WDR36: variants seen among roughly 807,000 people sequenced by gnomAD.
WDR36 encodes the protein WD repeat-containing protein 36.
Under a neutral mutation model 112.7 loss-of-function variants are expected in WDR36, and 63 were observed. The ratio of observed to expected loss-of-function variants is 0.56; its 90% CI spans 0.46 to 0.69. The LOEUF is 0.69. Among genes scored for constraint, WDR36 ranks in the 30% least tolerant of loss-of-function variants. The probability of loss-of-function intolerance (pLI) is 0.00; values close to 1 mark genes in which losing one functional copy is unlikely to be tolerated. For synonymous variants in WDR36, 410 were observed against 362.2 expected (o/e 1.13, Z -1.50); for missense variants, 1,226 against 1,070.3 (o/e 1.15, Z -2.03).
Position 111,097,085 on chromosome 5 carries a change from C to G in WDR36, c.197C>G (p.Ser66Cys). Reference protein sequence around the residue: ...QKLSLVAVSNSVPQDICCMAA... With the variant: ...QKLSLVAVSNCVPQDICCMAA... ...ATTTTGTATTTTCTGCTAGGTAATT[C>G]TGTTCCACAGGATATCTGCTGTATG... The change falls in exon 3 of 23, where the codon TCT becomes TGT. Residue 66 changes from serine (S) to cysteine (C), a missense_variant. By Grantham distance (112) the Ser-to-Cys change is moderately radical. Coordinates refer to ENST00000513710, the MANE Select transcript of WDR36 (RefSeq NM_139281.3). 1 of 1,612,310 alleles carries G rather than the reference C, an allele frequency of 6.2e-7. No individual in the cohort carries two copies. The highest frequency in any genetic ancestry group is 1.1e-5 in the South Asian group (1 of 91,040).
At chr5:111,097,292 C>CT (rs1753013828) in intron 3 of WDR36, 113 bp downstream of exon 3, 30 of 768,446 alleles carry the variant, frequency 3.9e-5, no homozygotes, top group South Asian at 7.4e-5. Context: ...ATACAGTATT[C>CT]TTTTTTTTCT....
At chr5:111,097,691 A>G (rs752285563) in intron 3 of WDR36, among the ~76,000 whole-genome samples, 1 of 152,224 alleles carries the variant, frequency 6.6e-6, no homozygotes, top group African/African-American at 2.4e-5. Flanking sequence ...TCTGGTCTAA[A>G]TCTACCAGTT....
Position 111,104,292 on chromosome 5 carries a change from A to G in WDR36, c.846A>G (p.Gly282=). The change falls in exon 8 of 23, where the codon GGA becomes GGG. Residue 282 remains glycine (G), a synonymous_variant. Coordinates refer to ENST00000513710, the MANE Select transcript of WDR36 (RefSeq NM_139281.3). ...MRNAHSTAIA[G]LTFLHREPLL... The stretch of plus-strand genomic sequence containing the variant: ...ATGCACACTCTACAGCAATTGCCGG[A>G]CTGACATTTCTCCATAGAGAGCCAC... The G allele has an allele frequency of 1.2e-6, 2 of 1,612,198 alleles. No homozygotes were observed. Among genetic ancestry groups the G allele is most frequent in the Non-Finnish European group, 8.5e-7 (1 of 1,178,614 alleles).
intron 15 of WDR36, 35 bp from the exon 16 acceptor site, chr5:111,113,035 AATAT>A: frequency 1.4e-5 from 5 of 352,286 alleles, no homozygotes; most frequent in East Asian, 8.8e-5. Context: ...ATATATAAAT[AATAT>A]ATATATATAT....
chr5:111,123,947 CT>C, intron 20 of WDR36, 23 bp downstream of exon 20: 1 of 1,612,960 alleles, frequency 6.2e-7, no homozygotes, highest in Admixed American at 1.7e-5. Context: ...TTAGAAGATT[CT>C]AAGTATATCG....
rs755589087 is a variant in WDR36 at position 111,129,678 on chromosome 5, TTAAA to T, written c.*2801_*2804del. On this transcript the variant is annotated 3_prime_UTR_variant, in exon 23 of 23. Transcript: ENST00000513710. ...GGCTTTAATTTTACATGGTGTCTGT[TTAAA>T]TAAATGTTTTATATTTGTATACAAT... 8 of 202,756 alleles carry T rather than the reference TTAAA, an allele frequency of 3.9e-5. No homozygotes were observed. In the South Asian group the frequency reaches 1.3e-3, roughly 34 times the overall value. The allele number at this position is 202,756 out of a possible 1,614,324, so 12.6% of individuals were successfully genotyped here. A position where few individuals can be genotyped will look rare whatever the true frequency, so the allele number is the denominator to read the frequency against.
chr5:111,126,855 T>A lies in WDR36; in HGVS notation c.2660T>A (p.Leu887Ter). The change falls in exon 23 of 23, where the codon TTA (leucine) becomes TAA (stop). Residue 887 changes from leucine (L) to a stop codon, truncating the protein, a stop_gained. Transcript: ENST00000513710. LOFTEE classifies it high-confidence loss of function. Reference sequence around the variant, plus strand: ...CTCTTCAATCAAAGCATGTGTATTTTAAATTATCTCAAAAGTGCTTTGTTG... The same window carrying A: ...CTCTTCAATCAAAGCATGTGTATTTAAAATTATCTCAAAAGTGCTTTGTTG... ...QSLFNQSMCI[L>*]NYLKSALL The A allele has an allele frequency of 6.2e-7, 1 of 1,608,972 alleles. No individual in the cohort carries two copies. The highest frequency in any genetic ancestry group is 8.5e-7 in the Non-Finnish European group (1 of 1,178,532).
At chr5:111,110,974 G>A in intron 14 of WDR36, 21 bp downstream of exon 14, 1 of 1,609,824 alleles carries the variant, frequency 6.2e-7, no homozygotes, top group Non-Finnish European at 8.5e-7. Context: ...AATGATAATG[G>A]ATTTTCTCTT....
At chr5:111,116,050 C>T (rs1753448307) in intron 16 of WDR36, among the ~76,000 whole-genome samples, 1 of 151,950 alleles carries the variant, frequency 6.6e-6, no homozygotes, top group Admixed American at 6.6e-5. Context: ...TCAAGCAATT[C>T]TCCTGCCTCA....
At chr5:111,119,590 C>G (rs1008323275) in intron 17 of WDR36, among the ~76,000 whole-genome samples, 8 of 152,090 alleles carry the variant, frequency 5.3e-5, no homozygotes, top group Non-Finnish European at 8.8e-5. Context: ...TTCAAATTCT[C>G]TTTTGATGAA....
At chr5:111,122,740 C>T (rs954280393) in intron 19 of WDR36, among the ~76,000 whole-genome samples, 47 of 152,212 alleles carry the variant, frequency 3.1e-4, no homozygotes, top group Middle Eastern at 3.4e-3. Context: ...CGGCATAGCT[C>T]CTAAAGAATG....
rs1441301705 is a variant in WDR36, at chr5:111,118,961, T to C, written c.1797-52T>C. The C allele has an allele frequency of 7.6e-6, 11 of 1,446,646 alleles. No homozygotes were observed. In the African/African-American group the frequency reaches 8.4e-5, roughly 11 times the overall value. The allele number at this position is 1,446,646 out of a possible 1,614,324, so 89.6% of individuals were successfully genotyped here. A position where few individuals can be genotyped will look rare whatever the true frequency, so the allele number is the denominator to read the frequency against. On this transcript the variant is annotated intron_variant, in intron 16 of 22. Coordinates refer to ENST00000513710, the MANE Select transcript of WDR36 (RefSeq NM_139281.3). ...TTGGCAAAAATATTTTTGTGAATTA[T>C]CTCCTTTTTGGTAGAGTTCAAATAC...
Position 111,121,066 on chromosome 5 carries a change from G to T in WDR36, c.2073G>T (p.Leu691Phe). ...ELIEYDSPEQLNEQLVTLSLL... is the reference protein window; with the variant it reads ...ELIEYDSPEQFNEQLVTLSLL... ...TAGAATATGATTCGCCAGAACAGTTGAATGAGCAATTGGTGACTCTTTCAC... is the reference window on the plus strand; with the variant it reads ...TAGAATATGATTCGCCAGAACAGTTTAATGAGCAATTGGTGACTCTTTCAC... The change falls in exon 19 of 23, where the codon TTG becomes TTT. Residue 691 changes from leucine (L) to phenylalanine (F), a missense_variant. Leu to Phe is a conservative substitution (Grantham distance 22). Coordinates refer to ENST00000513710, the MANE Select transcript of WDR36 (RefSeq NM_139281.3). 1.9e-6 allele frequency: 3 copies of T among 1,613,608 alleles called. No individual in the cohort carries two copies. Among genetic ancestry groups the T allele is most frequent in the Non-Finnish European group, 2.5e-6 (3 of 1,179,666 alleles).
At position 111,129,723 on chromosome 5, in the gene WDR36, T is replaced by G; in HGVS notation, c.*2840T>G. On this transcript the variant is annotated 3_prime_UTR_variant, in exon 23 of 23. Coordinates refer to ENST00000513710, the MANE Select transcript of WDR36 (RefSeq NM_139281.3). ...TGTATACAATCAAATTGATTAATTT[T>G]CATGACTTATTTCAGGATATAAAGC... is the stretch of plus-strand genomic sequence containing the variant. 5.0e-6 allele frequency: 1 copy of G among 199,642 alleles called. No homozygotes were observed. The highest frequency in any genetic ancestry group is 1.0e-5 in the Non-Finnish European group (1 of 96,750). 12.4% of individuals were successfully genotyped at this position (199,642 alleles called of 1,614,324 possible). A position where few individuals can be genotyped will look rare whatever the true frequency, so the allele number is the denominator to read the frequency against.
At chr5:111,103,201 A>AT (rs1479286905) in intron 6 of WDR36, among the ~76,000 whole-genome samples, 1 of 151,752 alleles carries the variant, frequency 6.6e-6, no homozygotes, top group African/African-American at 2.4e-5. Context: ...TTGGACATTG[A>AT]TCTTTGCTAA....
chr5:111,096,884 T>C (rs1752997673), intron 2 of WDR36, 195 bp from the exon 3 acceptor site: 1 of 481,940 alleles, frequency 2.1e-6, no homozygotes, highest in Non-Finnish European at 3.7e-6. Context: ...CAAGGTGATT[T>C]CCTATCCTTA....
Position 111,119,123 on chromosome 5 carries a change from A to G in WDR36, c.1904+3A>G. On this transcript the variant is annotated splice_donor_region_variant and intron_variant, in intron 17 of 22. Coordinates refer to ENST00000513710, the MANE Select transcript of WDR36 (RefSeq NM_139281.3). Reference sequence around the variant, plus strand: ...GACCACCTTGGAATTTATCTATGGTAAGTTCTTTCATACAGTTCTGTTTTG... The same window carrying G: ...GACCACCTTGGAATTTATCTATGGTGAGTTCTTTCATACAGTTCTGTTTTG... 1 of 1,597,908 alleles carries G rather than the reference A, an allele frequency of 6.3e-7. No homozygotes were observed. Among genetic ancestry groups the G allele is most frequent in the East Asian group, 2.2e-5 (1 of 44,744 alleles).
chr5:111,101,325 G>T (rs929233387), intron 5 of WDR36, among the ~76,000 whole-genome samples: 14 of 151,842 alleles, frequency 9.2e-5, no homozygotes, highest in Non-Finnish European at 1.5e-4. Context: ...TCTAATAAAG[G>T]TCTATGAGAT....
rs761120597 is a variant in WDR36 at position 111,126,800 on chromosome 5, G to A, written c.2605G>A (p.Val869Met). The A allele has an allele frequency of 3.1e-6, 5 of 1,613,668 alleles. No homozygotes were observed. The highest frequency in any genetic ancestry group is 3.3e-4 in the Middle Eastern group (2 of 6,058). ...LEEITNLSSQ[V>M]EENWTHLQSL... ...AGAAATAACAAATTTGTCATCCCAG[G>A]TGGAAGAAAACTGGACCCATTTGCA... is the stretch of plus-strand genomic sequence containing the variant. Residue 869 changes from valine to methionine, a missense_variant, in exon 23 of 23, where the codon GTG becomes ATG. By Grantham distance (21) the Val-to-Met change is conservative. Coordinates refer to ENST00000513710, the MANE Select transcript of WDR36 (RefSeq NM_139281.3).
Sources: allele counts gnomAD v4.1 joint callset (sites outside exome capture counted in the v4.1 genomes callset), GRCh38; gene constraint gnomAD v4.1.1; transcripts MANE v1.5; gene names NCBI Gene and HGNC (gene_info 2026-07-23, HGNC 2026-07-21).